CDKN2B-AS1: variants seen among roughly 807,000 people sequenced by gnomAD.
CDKN2B-AS1 encodes CDKN2B and CDKN2A antisense cis and trans regulatory RNA 1, also known as CDKN2B antisense RNA 1 (non-protein coding).
intron 4 of CDKN2B-AS1, among the ~76,000 whole-genome samples, chr9:22,074,482 G>A (rs916186326): frequency 6.6e-5 from 10 of 152,096 alleles, no homozygotes; most frequent in African/African-American, 1.2e-4. Flanking sequence ...GGTCACTCTC[G>A]AATACATAAC....
rs147511180 is a variant in CDKN2B-AS1 at position 22,117,120 on chromosome 9, T to A, written n.439-9983T>A. ...CAGAAGAAATTCCCATTCAAAAGAC[T>A]TGGAAAATGTCTTGGGTGTTTACTA... On this transcript the variant is annotated intron_variant and non_coding_transcript_variant, in intron 4 of 4. Transcript: ENST00000650946. 4.1e-3 allele frequency among the ~76,000 whole-genome samples: 619 copies of A among 152,326 alleles called. 5 individuals carry two copies. Among genetic ancestry groups the A allele is most frequent in the African/African-American group, 0.014 (582 of 41,568 alleles).
chr9:22,103,969 A>G (rs1418977426), intron 4 of CDKN2B-AS1, among the ~76,000 whole-genome samples: 1 of 152,260 alleles, frequency 6.6e-6, no homozygotes, highest in African/African-American at 2.4e-5. Flanking sequence ...CTATAAATAT[A>G]CATATACGTA....
intron 3 of CDKN2B-AS1, among the ~76,000 whole-genome samples, chr9:22,054,027 A>AG (rs1823458913): frequency 6.6e-6 from 1 of 152,304 alleles, no homozygotes; most frequent in South Asian, 2.1e-4. Flanking sequence ...TTTAGGGCTT[A>AG]GGGTCCTAAT....
intron 1 of CDKN2B-AS1, among the ~76,000 whole-genome samples, chr9:22,034,852 C>G (rs1323224237): frequency 1.3e-5 from 2 of 152,228 alleles, no homozygotes; most frequent in South Asian, 4.1e-4. Flanking sequence ...AATTAGGCAG[C>G]AAGACTGATT....
chr9:22,090,914 T>A (rs1279349543), intron 4 of CDKN2B-AS1, among the ~76,000 whole-genome samples: 2 of 152,190 alleles, frequency 1.3e-5, no homozygotes, highest in Non-Finnish European at 2.9e-5. Context: ...GCCTATGTCC[T>A]GAATGGTATT....
At chr9:22,105,202 C>T (rs752958168) in intron 4 of CDKN2B-AS1, among the ~76,000 whole-genome samples, 1 of 152,064 alleles carries the variant, frequency 6.6e-6, no homozygotes, top group Non-Finnish European at 1.5e-5. Context: ...ACTTGTAGGC[C>T]GAGGCAGCTG....
At chr9:22,007,587 T>TA (rs1255277565) in intron 1 of CDKN2B-AS1, among the ~76,000 whole-genome samples, 1 of 152,182 alleles carries the variant, frequency 6.6e-6, no homozygotes, top group Non-Finnish European at 1.5e-5. Context: ...TTATGCACTT[T>TA]AAAATATACC....
intron 1 of CDKN2B-AS1, among the ~76,000 whole-genome samples, chr9:22,028,491 AG>A (rs1173077124): frequency 6.6e-6 from 1 of 152,176 alleles, no homozygotes; most frequent in East Asian, 1.9e-4. Context: ...CTTTAAAAAA[AG>A]AATCATAAAC....
Position 22,008,870 on chromosome 9 carries a change from C to T in CDKN2B-AS1, n.29+13709C>T, listed in dbSNP as rs756887421. ...CGGCTTCCAGGAGCTGTCGCACCTT[C>T]TCCACTAGTCCCCGCGCCGCGGCGC... On this transcript the variant is annotated intron_variant and non_coding_transcript_variant, in intron 1 of 4. Coordinates refer to ENST00000650946, the Ensembl canonical transcript of CDKN2B-AS1. 7.4e-6 allele frequency: 12 copies of T among 1,612,154 alleles called. No individual in the cohort carries two copies. The South Asian group carries it at 1.3e-4, about 18-fold the overall frequency.
intron 1 of CDKN2B-AS1, among the ~76,000 whole-genome samples, chr9:22,016,732 A>G (rs912878723): frequency 6.6e-6 from 1 of 152,212 alleles, no homozygotes; most frequent in Admixed American, 6.5e-5. Context: ...TGCTGGGAAA[A>G]CTGGCTAGCC....
chr9:22,022,180 C>T (rs1377789922), intron 1 of CDKN2B-AS1, among the ~76,000 whole-genome samples: 1 of 150,516 alleles, frequency 6.6e-6, no homozygotes, highest in East Asian at 2.0e-4. Context: ...TTCATTTGAT[C>T]CAGTGTTGAG....
intron 1 of CDKN2B-AS1, among the ~76,000 whole-genome samples, chr9:22,045,115 G>T (rs1463465047): frequency 6.7e-6 from 1 of 148,938 alleles, no homozygotes; most frequent in Non-Finnish European, 1.5e-5. Context: ...CAAAGGATTT[G>T]ATTTTATAAA....
chr9:22,039,485 T>G lies in CDKN2B-AS1; in HGVS notation n.30-7266T>G, dbSNP rs2131261659. 6.6e-6 allele frequency among the ~76,000 whole-genome samples: 1 copy of G among 152,190 alleles called. No homozygotes were observed. Among genetic ancestry groups the G allele is most frequent in the South Asian group, 2.1e-4 (1 of 4,834 alleles). On this transcript the variant is annotated intron_variant and non_coding_transcript_variant, in intron 1 of 4. Transcript: ENST00000650946. This position sits in a 1 kb window ranked among gnomAD's most constrained non-coding sequence, Gnocchi z 4.4. ...TCTGTTTACTCTGTGTTTTAACATC[T>G]GTGTGGATAGCATTGTTGTTGTAAT...
At chr9:22,066,098 T>G (rs1227636238) in intron 4 of CDKN2B-AS1, 5 of 152,228 alleles carry the variant, frequency 3.3e-5, no homozygotes, top group Non-Finnish European at 1.5e-5. Context: ...TCCCTCTGTC[T>G]GATTATATCC....
chr9:22,035,521 C>T (rs575414757), intron 1 of CDKN2B-AS1, among the ~76,000 whole-genome samples: 89 of 152,246 alleles, frequency 5.8e-4, no homozygotes, highest in African/African-American at 2.1e-3. Context: ...TTCAGACTAG[C>T]CCTGGTGGCC....
At chr9:21,998,937 T>C (rs1271487721) in intron 1 of CDKN2B-AS1, among the ~76,000 whole-genome samples, 2 of 152,138 alleles carry the variant, frequency 1.3e-5, no homozygotes, top group Admixed American at 6.5e-5. Context: ...TACTAGACTA[T>C]ATAAATAAAT....
chr9:22,022,254 G>T lies in CDKN2B-AS1; in HGVS notation n.30-24497G>T, dbSNP rs574559087. On this transcript the variant is annotated intron_variant and non_coding_transcript_variant, in intron 1 of 4. Transcript: ENST00000650946. The stretch of plus-strand genomic sequence containing the variant: ...TGATCTGTCTAATATTCTCACTGGG[G>T]TGTTAAAGTCTCCCACTATTATTGT... Among the ~76,000 whole-genome samples the T allele has an allele frequency of 2.0e-5, 3 of 151,936 alleles. No homozygotes were observed. The South Asian group carries it at 6.2e-4, about 32-fold the overall frequency.
chr9:22,036,933 ATTGAAAGGTGGCTCT>A (rs1822710508), intron 1 of CDKN2B-AS1, among the ~76,000 whole-genome samples: 3 of 152,076 alleles, frequency 2.0e-5, no homozygotes, highest in Admixed American at 1.3e-4. Flanking sequence ...GTAGAATGGG[ATTGAAAGGTGGCTCT>A]TCCACACCCT....
intron 2 of CDKN2B-AS1, among the ~76,000 whole-genome samples, chr9:22,047,588 G>A (rs962494937): frequency 1.1e-4 from 17 of 151,990 alleles, no homozygotes; most frequent in African/African-American, 3.9e-4. Context: ...TATTTATTAT[G>A]ATTCTTATAG....
Sources: allele counts gnomAD v4.1 joint callset (sites outside exome capture counted in the v4.1 genomes callset), GRCh38; gene constraint gnomAD v4.1.1; non-coding constraint Gnocchi (gnomAD v3.1); transcripts MANE v1.5; gene names NCBI Gene and HGNC (gene_info 2026-07-23, HGNC 2026-07-21).